The following CNTN5 variants were observed in gnomAD, a reference collection of about 807,000 sequenced individuals.
CNTN5 encodes the protein contactin 5, also known as contactin-5.
CNTN5 carries 77 observed loss-of-function variants against 129.1 expected under a neutral mutation model. The ratio of observed to expected loss-of-function variants is 0.60; its 90% CI spans 0.50 to 0.72. CNTN5 has a LOEUF of 0.72. CNTN5 is among the 30% of genes least tolerant of loss of function. The pLI, the probability that CNTN5 is intolerant of heterozygous loss-of-function variation, is 0.00. For synonymous variants in CNTN5, 509 were observed against 465.6 expected (o/e 1.09, Z -1.20); for missense variants, 1,478 against 1,328.8 (o/e 1.11, Z -1.75).
At chr11:99,095,095 C>T (rs942943294) in intron 1 of CNTN5, among the ~76,000 whole-genome samples, 5 of 151,594 alleles carry the variant, frequency 3.3e-5, no homozygotes, top group Non-Finnish European at 7.4e-5. Context: ...AACTTGTCAT[C>T]GACATTAGGT....
chr11:99,273,470 T>C (rs1305124468), intron 1 of CNTN5, among the ~76,000 whole-genome samples: 2 of 151,770 alleles, frequency 1.3e-5, no homozygotes, highest in Non-Finnish European at 2.9e-5. Flanking sequence ...AAGTACTGAT[T>C]TATCCTTCTT....
At chr11:99,229,724 A>C (rs1860889175) in intron 1 of CNTN5, among the ~76,000 whole-genome samples, 1 of 152,038 alleles carries the variant, frequency 6.6e-6, no homozygotes, top group Admixed American at 6.6e-5. Context: ...ATGTTTCTAA[A>C]ATAGGAAACA....
intron 3 of CNTN5, among the ~76,000 whole-genome samples, chr11:99,651,955 A>T (rs757201169): frequency 3.3e-5 from 5 of 152,086 alleles, no homozygotes; most frequent in Non-Finnish European, 5.9e-5. Context: ...TTAGTTTTCT[A>T]CTGCTGCATA....
At chr11:99,026,606 A>G (rs1241003540) in intron 1 of CNTN5, among the ~76,000 whole-genome samples, 2 of 151,592 alleles carry the variant, frequency 1.3e-5, no homozygotes. Context: ...TAATTGTGGA[A>G]CCCTTAGGAA....
At chr11:100,311,072 T>G (rs1355653354) in intron 21 of CNTN5, among the ~76,000 whole-genome samples, 1 of 151,792 alleles carries the variant, frequency 6.6e-6, no homozygotes, top group East Asian at 2.0e-4. Context: ...ATCTGGAAGG[T>G]AGATAATAGA....
At position 99,512,281 on chromosome 11, in the gene CNTN5, T is replaced by C. The variant is rs1350466620; in HGVS notation, c.-70-43864T>C. On this transcript the variant is annotated intron_variant, in intron 2 of 24. Coordinates refer to ENST00000524871, the MANE Select transcript of CNTN5 (RefSeq NM_014361.4). ...ACCATTGTCTTCCAATTGCCTATAG[T>C]GTGCAGCACGGTAACATGCTGTGCA... Among the ~76,000 whole-genome samples the C allele has an allele frequency of 2.6e-5, 4 of 152,258 alleles. No individual in the cohort carries two copies. In the East Asian group the frequency reaches 7.7e-4, roughly 29 times the overall value.
intron 3 of CNTN5, among the ~76,000 whole-genome samples, chr11:99,581,216 T>A (rs1591311562): frequency 2.9e-5 from 3 of 101,976 alleles, no homozygotes; most frequent in Admixed American, 1.1e-4. Context: ...ATAATTTCTG[T>A]TCTTTTACAT....
intron 17 of CNTN5, among the ~76,000 whole-genome samples, chr11:100,261,133 A>G (rs938675096): frequency 2.0e-5 from 3 of 152,204 alleles, no homozygotes; most frequent in African/African-American, 2.4e-5. Flanking sequence ...AAAAATTACA[A>G]GCATTCATAT....
intron 2 of CNTN5, among the ~76,000 whole-genome samples, chr11:99,498,677 T>A (rs768035150): frequency 1.3e-5 from 2 of 152,182 alleles, no homozygotes; most frequent in Non-Finnish European, 2.9e-5. Context: ...TTATATCTCA[T>A]ACCTGTGTCA....
intron 13 of CNTN5, among the ~76,000 whole-genome samples, chr11:100,139,764 T>C (rs941490127): frequency 6.6e-6 from 1 of 151,986 alleles, no homozygotes; most frequent in Non-Finnish European, 1.5e-5. Context: ...CTCGGGAGGC[T>C]GAGGCAGGAG....
chr11:100,037,451 C>T (rs1048294061), intron 9 of CNTN5, among the ~76,000 whole-genome samples: 7 of 151,786 alleles, frequency 4.6e-5, no homozygotes, highest in African/African-American at 1.2e-4. Flanking sequence ...TGTCTCTGCC[C>T]GGGTTTGGTA....
chr11:99,465,634 T>TG lies in CNTN5; in HGVS notation c.-70-90511_-70-90510insG, dbSNP rs1219451290. Among the ~76,000 whole-genome samples the TG allele has an allele frequency of 1.6e-4, 3 of 18,660 alleles. No individual in the cohort carries two copies. In the Non-Finnish European group the frequency reaches 1.8e-3, roughly 11 times the overall value. 12.2% of individuals were successfully genotyped at this position (18,660 alleles called of 152,430 possible). A position where few individuals can be genotyped will look rare whatever the true frequency, so the allele number is the denominator to read the frequency against. On this transcript the variant is annotated intron_variant, in intron 2 of 24. Transcript: ENST00000524871. The stretch of plus-strand genomic sequence containing the variant: ...ATATTTATTAAATTAATGAATAAAT[T>TG]AATTTTTTTTAGATAAGCTGTATTG...
chr11:100,207,897 A>T (rs1392676059), intron 15 of CNTN5, among the ~76,000 whole-genome samples: 1 of 152,172 alleles, frequency 6.6e-6, no homozygotes, highest in African/African-American at 2.4e-5. Flanking sequence ...TTGCTTTGTA[A>T]AATAATCAGG....
chr11:99,697,313 G>A (rs79801787), intron 3 of CNTN5, among the ~76,000 whole-genome samples: 1 of 150,734 alleles, frequency 6.6e-6, no homozygotes, highest in African/African-American at 2.5e-5. Flanking sequence ...GAGAAAAAGA[G>A]GGGGAGAGAG....
chr11:99,849,179 A>G (rs1401498430), intron 6 of CNTN5, among the ~76,000 whole-genome samples: 1 of 151,662 alleles, frequency 6.6e-6, no homozygotes, highest in Non-Finnish European at 1.5e-5. Context: ...TCCATATACT[A>G]ACAATTATTA....
intron 2 of CNTN5, among the ~76,000 whole-genome samples, chr11:99,442,928 G>A (rs1943896805): frequency 6.6e-6 from 1 of 152,164 alleles, no homozygotes; most frequent in Non-Finnish European, 1.5e-5. Context: ...CACTGTGATT[G>A]GCCAGACTTA....
intron 2 of CNTN5, among the ~76,000 whole-genome samples, chr11:99,456,731 GC>G (rs1481634192): frequency 2.1e-4 from 32 of 152,026 alleles, no homozygotes; most frequent in Admixed American, 1.8e-3. Context: ...ACAACAGAAA[GC>G]TTCCATGGTA....
chr11:99,207,640 A>G (rs1023587721), intron 1 of CNTN5, among the ~76,000 whole-genome samples: 2 of 152,196 alleles, frequency 1.3e-5, no homozygotes, highest in South Asian at 2.1e-4. Context: ...TACTTTGATA[A>G]CGAATACTCT....
At chr11:99,406,461 C>T (rs1942072241) in intron 2 of CNTN5, among the ~76,000 whole-genome samples, 1 of 152,042 alleles carries the variant, frequency 6.6e-6, no homozygotes. Flanking sequence ...ACACAAGCTC[C>T]CCTGTGGCCA....
Sources: gnomAD v4.1 joint callset for allele counts (sites outside exome capture counted in the v4.1 genomes callset) on GRCh38, gnomAD v4.1.1 for gene constraint, MANE v1.5 for transcripts, NCBI Gene and HGNC (gene_info 2026-07-23, HGNC 2026-07-21) for gene names.